Variants in TSGA10 observed in about 807,000 individuals in gnomAD.
TSGA10 encodes testis specific 10.
Under a neutral mutation model 96.6 loss-of-function variants are expected in TSGA10, and 43 were observed. The ratio of observed to expected loss-of-function variants is 0.44; its 90% CI spans 0.35 to 0.57. The LOEUF is 0.57. TSGA10 is among the 20% of genes least tolerant of loss of function. TSGA10 has a pLI of 0.01. For missense variants in TSGA10, 703 were observed against 834.4 expected (o/e 0.84, Z 1.94); for synonymous variants, 229 against 269.9 (o/e 0.85, Z 1.48).
At chr2:99,053,187 C>T (rs2083586163) in intron 16 of TSGA10, among the ~76,000 whole-genome samples, 1 of 151,946 alleles carries the variant, frequency 6.6e-6, no homozygotes, top group Non-Finnish European at 1.5e-5. Context: ...AAAGAACTAC[C>T]ACCAATCCTC....
chr2:99,079,548 CCTT>C (rs1481193141), intron 11 of TSGA10, among the ~76,000 whole-genome samples: 2 of 152,180 alleles, frequency 1.3e-5, no homozygotes, highest in Non-Finnish European at 2.9e-5. Flanking sequence ...TTTAAAAACT[CCTT>C]CTTTCCCCAG....
chr2:99,016,347 T>A (rs1293104359), intron 20 of TSGA10, among the ~76,000 whole-genome samples: 2 of 152,074 alleles, frequency 1.3e-5, no homozygotes, highest in South Asian at 4.1e-4. Flanking sequence ...AGCCAAATAC[T>A]TACAGCCAAC....
rs556017876 is a variant in TSGA10 at position 99,020,358 on chromosome 2, T to G, written c.1739A>C (p.Gln580Pro). 24 of 1,613,832 alleles carry G rather than the reference T, an allele frequency of 1.5e-5. No homozygotes were observed. The East Asian group carries it at 4.5e-4, about 30-fold the overall frequency. Residue 580 changes from glutamine (Q) to proline (P), a missense_variant, in exon 18 of 21, where the codon CAG becomes CCG. By Grantham distance (76) the Gln-to-Pro change is moderately conservative. This residue lies in a region of TSGA10 where 49 missense variants were observed against 96.4 expected (regional missense o/e 0.51). Transcript: ENST00000393483. ...TTTTTCTTGAAGTGCTATCTGAGACTGATATTCTTTGTCTCGATTGGCCAC... is the reference window on the plus strand; with the variant it reads ...TTTTTCTTGAAGTGCTATCTGAGACGGATATTCTTTGTCTCGATTGGCCAC... Reference protein sequence around the residue: ...LLVANRDKEYQSQIALQEKES... With the variant: ...LLVANRDKEYPSQIALQEKES...
intron 10 of TSGA10, among the ~76,000 whole-genome samples, chr2:99,096,200 A>G (rs552518433): frequency 2.8e-4 from 42 of 152,310 alleles, no homozygotes; most frequent in African/African-American, 9.9e-4. Flanking sequence ...GAGAATTAAC[A>G]TGTTTTATTC....
chr2:99,100,129 C>A (rs543521648), intron 10 of TSGA10, among the ~76,000 whole-genome samples: 1 of 152,220 alleles, frequency 6.6e-6, no homozygotes, highest in South Asian at 2.1e-4. Context: ...CAACTCAATG[C>A]CATTAAAATC....
chr2:99,068,419 A>G (rs1334961821), intron 15 of TSGA10, among the ~76,000 whole-genome samples: 1 of 152,164 alleles, frequency 6.6e-6, no homozygotes, highest in Admixed American at 6.5e-5. Context: ...TATTGGAGTC[A>G]TCTGATGTCA....
intron 17 of TSGA10, among the ~76,000 whole-genome samples, 197 bp from the exon 18 acceptor site, chr2:99,020,679 G>C (rs1156478123): frequency 6.6e-6 from 1 of 151,982 alleles, no homozygotes; most frequent in Admixed American, 6.6e-5. Context: ...CCATCTCTCT[G>C]ATCATATCAG....
Position 99,072,935 on chromosome 2 carries a change from C to CCTATCTTTGTACCTAACATGGTA in TSGA10, c.938+82_938+83insTACCATGTTAGGTACAAAGATAG, listed in dbSNP as rs2086158315. 4.2e-6 allele frequency: 4 copies of CCTATCTTTGTACCTAACATGGTA among 945,588 alleles called. No individual in the cohort carries two copies. The East Asian group carries it at 9.7e-5, about 23-fold the overall frequency. The allele number at this position is 945,588 out of a possible 1,614,324, so 58.6% of individuals were successfully genotyped here. ...AGCACCTTACACGTATCATTAAGCC[C>CCTATCTTTGTACCTAACATGGTA]CTTGTTTCTTACTATCTTTGTACCT... On this transcript the variant is annotated intron_variant, in intron 13 of 20. Transcript: ENST00000393483.
intron 1 of TSGA10, among the ~76,000 whole-genome samples, chr2:99,144,449 T>C (rs906386918): frequency 4.6e-5 from 7 of 151,866 alleles, no homozygotes; most frequent in Admixed American, 2.0e-4. Context: ...CTGCCTGTTG[T>C]CCAATATCTA....
At chr2:99,086,363 A>C (rs1181778777) in intron 10 of TSGA10, among the ~76,000 whole-genome samples, 1 of 152,230 alleles carries the variant, frequency 6.6e-6, no homozygotes, top group Non-Finnish European at 1.5e-5. Flanking sequence ...TGGTAATCAA[A>C]TCCAACCAAA....
Position 99,064,965 on chromosome 2 carries a change from C to T in TSGA10, c.1378G>A (p.Asp460Asn). 1 of 1,601,224 alleles carries T rather than the reference C, an allele frequency of 6.2e-7. No homozygotes were observed. Among genetic ancestry groups the T allele is most frequent in the Non-Finnish European group, 8.5e-7 (1 of 1,175,502 alleles). Residue 460 changes from aspartate to asparagine, a missense_variant, in exon 16 of 21, where the codon GAT becomes AAT. Transcript: ENST00000393483. ...TGCTCAACCTCTCTGTTGAGGGAAT[C>T]TACTTTTTCTTTTAATCTGTTACCC... Reference protein sequence around the residue: ...AEGNRLKEKVDSLNREVEQHL... With the variant: ...AEGNRLKEKVNSLNREVEQHL...
rs572180467 is a variant in TSGA10, at chr2:99,012,853, T to C, written c.2072+5347A>G. The stretch of plus-strand genomic sequence containing the variant: ...CTTAACAGGTATTTACAGAACATTC[T>C]ACCCAACAACTGCAGAATATAAATT... On this transcript the variant is annotated intron_variant, in intron 20 of 20. Coordinates refer to ENST00000393483, the MANE Select transcript of TSGA10 (RefSeq NM_025244.4). 2.6e-5 allele frequency among the ~76,000 whole-genome samples: 4 copies of C among 152,304 alleles called. No homozygotes were observed. The East Asian group carries it at 5.8e-4, about 22-fold the overall frequency.
At chr2:99,112,357 T>C (rs2091892661) in intron 4 of TSGA10, among the ~76,000 whole-genome samples, 1 of 152,164 alleles carries the variant, frequency 6.6e-6, no homozygotes, top group South Asian at 2.1e-4. Context: ...TTCTAAGCAC[T>C]TGAGTTAAGT....
At chr2:99,014,326 T>C (rs1199664458) in intron 20 of TSGA10, among the ~76,000 whole-genome samples, 3 of 152,102 alleles carry the variant, frequency 2.0e-5, no homozygotes, top group African/African-American at 7.2e-5. Context: ...CAGAGCAAGA[T>C]TCCATCTCAA....
intron 16 of TSGA10, among the ~76,000 whole-genome samples, chr2:99,037,867 TA>T (rs780277869): frequency 4.6e-4 from 69 of 151,612 alleles, no homozygotes; most frequent in Non-Finnish European, 8.7e-4. Flanking sequence ...AATAAATAAA[TA>T]AATAAACACA....
intron 20 of TSGA10, among the ~76,000 whole-genome samples, chr2:99,004,653 G>T (rs1039498831): frequency 2.6e-5 from 4 of 151,578 alleles, no homozygotes; most frequent in Admixed American, 6.6e-5. Context: ...ATAATAAATA[G>T]CTTACCAACC....
chr2:99,078,132 G>C (rs900388292), intron 12 of TSGA10, among the ~76,000 whole-genome samples: 2 of 151,448 alleles, frequency 1.3e-5, no homozygotes, highest in African/African-American at 4.8e-5. Context: ...TTAGCCAGGC[G>C]TGGTGGCAGG....
chr2:99,125,390 C>T (rs985055069), intron 2 of TSGA10: 2 of 152,076 alleles, frequency 1.3e-5, no homozygotes, highest in Admixed American at 1.3e-4. Context: ...CCAAAATGTC[C>T]ATTTGGTTCT....
chr2:99,131,439 A>G (rs1574631263), intron 1 of TSGA10, among the ~76,000 whole-genome samples: 1 of 152,182 alleles, frequency 6.6e-6, no homozygotes, highest in Non-Finnish European at 1.5e-5. Flanking sequence ...ACTGGTGTAT[A>G]GGAATGCTTC....
Sources: allele counts gnomAD v4.1 joint callset (sites outside exome capture counted in the v4.1 genomes callset), GRCh38; gene constraint gnomAD v4.1.1; regional missense constraint gnomAD v4.1.1; transcripts MANE v1.5; gene names NCBI Gene and HGNC (gene_info 2026-07-23, HGNC 2026-07-21).